Variants in KCNH1 observed in about 807,000 individuals in gnomAD.
KCNH1 encodes voltage-gated delayed rectifier potassium channel KCNH1.
A neutral mutation model predicts 69.2 loss-of-function variants in KCNH1; 27 were observed. That is an observed-to-expected ratio of 0.39 (90% CI 0.29 to 0.54). KCNH1 has a LOEUF of 0.54. KCNH1 is among the 20% of genes least tolerant of loss of function. The pLI, the probability that KCNH1 is intolerant of heterozygous loss-of-function variation, is 0.68. For synonymous variants in KCNH1, 456 were observed against 487.7 expected (o/e 0.93, Z 0.86); for missense variants, 798 against 1,261.6 (o/e 0.63, Z 5.57).
intron 5 of KCNH1, among the ~76,000 whole-genome samples, chr1:211,029,621 AT>A (rs776434710): frequency 5.3e-5 from 8 of 151,990 alleles, no homozygotes; most frequent in Non-Finnish European, 7.4e-5. Flanking sequence ...AAGAATGAAA[AT>A]TTTCCCCCTA....
Position 210,682,956 on chromosome 1 carries a change from G to A in KCNH1, c.*325C>T. The A allele has an allele frequency of 3.2e-6, 1 of 308,916 alleles. No homozygotes were observed. Among genetic ancestry groups the A allele is most frequent in the Non-Finnish European group, 6.1e-6 (1 of 164,506 alleles). The allele number at this position is 308,916 out of a possible 1,614,324, so 19.1% of individuals were successfully genotyped here. On this transcript the variant is annotated 3_prime_UTR_variant, in exon 11 of 11. Coordinates refer to ENST00000271751, the MANE Select transcript of KCNH1 (RefSeq NM_172362.3). ...CCAGTCCCCAGATGGCTGCTGCTCTGTTCTGGTAGTTTTAATCTTTTACAA... is the reference window on the plus strand; with the variant it reads ...CCAGTCCCCAGATGGCTGCTGCTCTATTCTGGTAGTTTTAATCTTTTACAA...
At chr1:210,759,845 C>G (rs12143524) in intron 10 of KCNH1, among the ~76,000 whole-genome samples, 21,082 of 152,118 alleles carry the variant, frequency 0.14, 1,519 homozygotes, top group Non-Finnish European at 0.16. Flanking sequence ...CTGTGAGATA[C>G]TATACAACAG....
At chr1:210,861,253 C>T in intron 7 of KCNH1, 2 of 955,162 alleles carry the variant, frequency 2.1e-6, no homozygotes, top group South Asian at 1.3e-5. Flanking sequence ...TATGGGGCTT[C>T]AGATTCTTCC....
chr1:210,953,565 G>A (rs548564343), intron 6 of KCNH1, among the ~76,000 whole-genome samples: 11 of 152,062 alleles, frequency 7.2e-5, no homozygotes, highest in Non-Finnish European at 1.3e-4. Flanking sequence ...TCTCTTGCAC[G>A]GAATACTCCA....
chr1:211,055,702 G>A (rs1690290805), intron 5 of KCNH1, among the ~76,000 whole-genome samples: 1 of 152,160 alleles, frequency 6.6e-6, no homozygotes, highest in African/African-American at 2.4e-5. Context: ...ACTTTGTCTT[G>A]CAACTAGGAT....
At chr1:211,087,635 A>T (rs12752645) in intron 4 of KCNH1, among the ~76,000 whole-genome samples, 1 of 29,238 alleles carries the variant, frequency 3.4e-5, no homozygotes, top group Admixed American at 3.7e-4. Context: ...ACACACACAC[A>T]CACGCACACA....
At chr1:210,716,103 C>G (rs529928454) in intron 10 of KCNH1, among the ~76,000 whole-genome samples, 1 of 152,276 alleles carries the variant, frequency 6.6e-6, no homozygotes, top group South Asian at 2.1e-4. Context: ...CAGTTATATT[C>G]CATTTCCAAT....
chr1:210,848,769 T>C (rs1685616663), intron 7 of KCNH1, among the ~76,000 whole-genome samples: 1 of 152,224 alleles, frequency 6.6e-6, no homozygotes, highest in Non-Finnish European at 1.5e-5. Flanking sequence ...TTTGACTTCA[T>C]AATAACATCT....
At chr1:210,810,507 C>T (rs1684680507) in intron 7 of KCNH1, among the ~76,000 whole-genome samples, 1 of 152,002 alleles carries the variant, frequency 6.6e-6, no homozygotes, top group Non-Finnish European at 1.5e-5. Context: ...TCCCTGGCCT[C>T]CTGTGATGCA....
intron 7 of KCNH1, among the ~76,000 whole-genome samples, chr1:210,822,513 C>T (rs1684950062): frequency 6.6e-6 from 1 of 152,110 alleles, no homozygotes; most frequent in Non-Finnish European, 1.5e-5. Context: ...TGGGTTAAAT[C>T]CTGGCAGAGT....
Position 210,727,971 on chromosome 1 carries a change from G to A in KCNH1, c.2113-43833C>T, listed in dbSNP as rs561849221. ...TGAACCACTGAATCAGGACAAATGA[G>A]ACCAGGAGGTTCTAACCCTGTGTTC... is the stretch of plus-strand genomic sequence containing the variant. On this transcript the variant is annotated intron_variant, in intron 10 of 10. Coordinates refer to ENST00000271751, the MANE Select transcript of KCNH1 (RefSeq NM_172362.3). Among the ~76,000 whole-genome samples the A allele has an allele frequency of 3.9e-5, 6 of 152,300 alleles. No individual in the cohort carries two copies. The East Asian group carries it at 1.2e-3, about 29-fold the overall frequency.
intron 7 of KCNH1, among the ~76,000 whole-genome samples, chr1:210,874,937 C>A (rs1686335436): frequency 6.6e-6 from 1 of 152,024 alleles, no homozygotes; most frequent in African/African-American, 2.4e-5. Flanking sequence ...GTAAGAACAA[C>A]AGCAAAGAAA....
chr1:211,117,871 C>A (rs938535051), intron 1 of KCNH1, among the ~76,000 whole-genome samples: 2 of 152,128 alleles, frequency 1.3e-5, no homozygotes, highest in Admixed American at 1.3e-4. Flanking sequence ...TCAGATGATG[C>A]CCCACAACCT....
chr1:210,924,095 C>T (rs1026728940), intron 6 of KCNH1, among the ~76,000 whole-genome samples: 4 of 152,168 alleles, frequency 2.6e-5, no homozygotes, highest in Non-Finnish European at 5.9e-5. Context: ...TTAAGGAATG[C>T]CAAAAATTGC....
At chr1:210,705,269 C>T (rs926680966) in intron 10 of KCNH1, among the ~76,000 whole-genome samples, 15 of 152,214 alleles carry the variant, frequency 9.9e-5, no homozygotes, top group Non-Finnish European at 1.9e-4. Context: ...TGCAGATTCT[C>T]ATTCGTCCAC....
At chr1:211,118,692 T>C (rs1173241793) in intron 1 of KCNH1, among the ~76,000 whole-genome samples, 1 of 152,248 alleles carries the variant, frequency 6.6e-6, no homozygotes, top group Non-Finnish European at 1.5e-5. Context: ...CAAACTACAC[T>C]GCAGTAGTCA....
chr1:210,890,871 C>A (rs1207475140), intron 7 of KCNH1, among the ~76,000 whole-genome samples: 1 of 152,100 alleles, frequency 6.6e-6, no homozygotes, highest in Non-Finnish European at 1.5e-5. Flanking sequence ...GAATGACGAT[C>A]ATTAAAAAGT....
intron 7 of KCNH1, among the ~76,000 whole-genome samples, chr1:210,866,617 T>C (rs1206422556): frequency 6.6e-6 from 1 of 152,084 alleles, no homozygotes; most frequent in African/African-American, 2.4e-5. Flanking sequence ...GTGTTGGTGA[T>C]GATGTAGAGA....
chr1:210,899,448 C>T (rs73071543), intron 7 of KCNH1, among the ~76,000 whole-genome samples: 3,080 of 151,860 alleles, frequency 0.02, 112 homozygotes, highest in African/African-American at 0.069. Flanking sequence ...TCAGTTTTAA[C>T]TTCTAAAACA....
Sources: gnomAD v4.1 joint callset for allele counts (sites outside exome capture counted in the v4.1 genomes callset) on GRCh38, gnomAD v4.1.1 for gene constraint, MANE v1.5 for transcripts, NCBI Gene and HGNC (gene_info 2026-07-23, HGNC 2026-07-21) for gene names.